The following ELAPOR2 variants were observed in gnomAD, a reference collection of about 807,000 sequenced individuals.
The protein encoded by ELAPOR2 is endosome-lysosome associated apoptosis and autophagy regulator family member 2.
ELAPOR2 carries 89 observed loss-of-function variants against 120.7 expected under a neutral mutation model. The ratio of observed to expected loss-of-function variants is 0.74; its 90% CI spans 0.62 to 0.88. The LOEUF (loss-of-function observed/expected upper bound fraction) is 0.88, where lower values mean the gene tolerates loss of function less well. ELAPOR2 is among the 40% of genes least tolerant of loss of function. ELAPOR2 has a pLI of 0.00. For synonymous variants in ELAPOR2, 444 were observed against 444.9 expected (o/e 1.00, Z 0.03); for missense variants, 1,134 against 1,251.6 (o/e 0.91, Z 1.42).
chr7:87,055,352 T>C (rs1017423947), intron 1 of ELAPOR2, among the ~76,000 whole-genome samples: 1 of 152,206 alleles, frequency 6.6e-6, no homozygotes, highest in African/African-American at 2.4e-5. Flanking sequence ...ACTCCTCTTT[T>C]TGAAGTCCTA....
chr7:86,929,574 T>C (rs528411456), intron 8 of ELAPOR2, among the ~76,000 whole-genome samples: 8 of 152,132 alleles, frequency 5.3e-5, no homozygotes, highest in African/African-American at 1.9e-4. Flanking sequence ...GCTCAACATG[T>C]ACAGTTGTGT....
intron 3 of ELAPOR2, among the ~76,000 whole-genome samples, chr7:86,946,647 A>T (rs1028808858): frequency 6.6e-6 from 1 of 152,172 alleles, no homozygotes; most frequent in Non-Finnish European, 1.5e-5. Context: ...TCGACCTCCC[A>T]AAGTGCTGGG....
At chr7:87,002,269 G>A (rs761930584) in intron 1 of ELAPOR2, among the ~76,000 whole-genome samples, 1 of 152,126 alleles carries the variant, frequency 6.6e-6, no homozygotes, top group Non-Finnish European at 1.5e-5. Flanking sequence ...CTGAGGAGGG[G>A]AGAAAGTGGC....
At position 86,908,458 on chromosome 7, in the gene ELAPOR2, A is replaced by G; in HGVS notation, c.2445T>C (p.His815=). 1.3e-6 allele frequency: 2 copies of G among 1,558,204 alleles called. No homozygotes were observed. Among genetic ancestry groups the G allele is most frequent in the Non-Finnish European group, 1.7e-6 (2 of 1,143,212 alleles). ...GCATCTTCACTTACTTATAAAAGAA[A>G]TGCACATCTGGTATTTGGCTTGTTG... is the stretch of plus-strand genomic sequence containing the variant. ...PVPTSQIPDV[H]FFYKSSTATT... Residue 815 remains histidine, a synonymous_variant, in exon 17 of 22, where the codon CAT becomes CAC. Coordinates refer to ENST00000450689, the MANE Select transcript of ELAPOR2 (RefSeq NM_001142749.3).
intron 1 of ELAPOR2, among the ~76,000 whole-genome samples, chr7:87,044,610 G>C (rs1253020348): frequency 2.0e-5 from 3 of 151,628 alleles, no homozygotes; most frequent in African/African-American, 7.3e-5. Flanking sequence ...ATCAATTCAA[G>C]ATGGATTAAA....
chr7:87,055,583 T>C (rs1795236765), intron 1 of ELAPOR2, among the ~76,000 whole-genome samples: 1 of 152,106 alleles, frequency 6.6e-6, no homozygotes, highest in South Asian at 2.1e-4. Flanking sequence ...CAAACTAGCC[T>C]ACACTCACAT....
At chr7:86,907,647 A>G in intron 18 of ELAPOR2, 23 bp downstream of exon 18, 4 of 1,436,820 alleles carry the variant, frequency 2.8e-6, no homozygotes, top group Non-Finnish European at 3.8e-6. Flanking sequence ...TGGTAAACAC[A>G]AATCATATGG....
chr7:87,032,938 C>T (rs188159103), intron 1 of ELAPOR2, among the ~76,000 whole-genome samples: 3 of 152,056 alleles, frequency 2.0e-5, no homozygotes, highest in South Asian at 2.1e-4. Context: ...TTGGAGGAGA[C>T]GAAAGATTTC....
chr7:86,881,782 A>G (rs903670937), intron 21 of ELAPOR2, among the ~76,000 whole-genome samples: 2 of 152,232 alleles, frequency 1.3e-5, no homozygotes, highest in Non-Finnish European at 2.9e-5. Flanking sequence ...CTATGCTAAT[A>G]AAGAGAATAA....
rs191930642 is a variant in ELAPOR2, at chr7:86,985,056, C to T, written c.190-20032G>A. On this transcript the variant is annotated intron_variant, in intron 1 of 21. Transcript: ENST00000450689. ...CTATAATCAAAGAATATTATAAACA[C>T]CTGTACACAAAAAAACTAGAAAATC... Among the ~76,000 whole-genome samples the T allele has an allele frequency of 8.1e-3, 1,238 of 152,176 alleles. 18 individuals carry two copies. Among genetic ancestry groups the T allele is most frequent in the African/African-American group, 0.029 (1,191 of 41,522 alleles).
intron 21 of ELAPOR2, chr7:86,891,154 C>T (rs1788140752): frequency 6.6e-6 from 1 of 151,858 alleles, no homozygotes; most frequent in Non-Finnish European, 1.5e-5. Context: ...TTTGTTTGCT[C>T]TATGTAAAAC....
At chr7:86,889,168 T>C (rs1433617256) in intron 21 of ELAPOR2, among the ~76,000 whole-genome samples, 1 of 152,100 alleles carries the variant, frequency 6.6e-6, no homozygotes, top group Non-Finnish European at 1.5e-5. Flanking sequence ...TGTCCATACA[T>C]TGTTATTCAC....
At chr7:86,903,502 T>C (rs935145239) in intron 18 of ELAPOR2, among the ~76,000 whole-genome samples, 3 of 152,210 alleles carry the variant, frequency 2.0e-5, no homozygotes, top group African/African-American at 4.8e-5. Flanking sequence ...CCATGTCTCT[T>C]AAGAACTGAA....
At chr7:86,885,460 T>G (rs189284902) in intron 21 of ELAPOR2, among the ~76,000 whole-genome samples, 2 of 152,258 alleles carry the variant, frequency 1.3e-5, no homozygotes, top group African/African-American at 4.8e-5. Context: ...GCAAACATCT[T>G]GTCTACTGTC....
intron 1 of ELAPOR2, among the ~76,000 whole-genome samples, chr7:86,994,308 C>G (rs1793051639): frequency 6.6e-6 from 1 of 152,160 alleles, no homozygotes; most frequent in Non-Finnish European, 1.5e-5. Flanking sequence ...AAGCTTAAAA[C>G]AGTCTCTTGA....
chr7:86,908,418 T>C (rs371386855), intron 17 of ELAPOR2, 29 bp downstream of exon 17: 48 of 1,193,854 alleles, frequency 4.0e-5, no homozygotes, highest in Admixed American at 2.1e-4. Context: ...GGTTAAAATA[T>C]AGTCAAGGGA....
intron 1 of ELAPOR2, among the ~76,000 whole-genome samples, chr7:87,027,233 T>C (rs1245003726): frequency 6.6e-6 from 1 of 152,172 alleles, no homozygotes; most frequent in African/African-American, 2.4e-5. Flanking sequence ...TCTACTGTTT[T>C]AAACATGAAA....
At chr7:86,964,796 G>T in intron 2 of ELAPOR2, 108 bp downstream of exon 2, 1 of 1,171,126 alleles carries the variant, frequency 8.5e-7, no homozygotes, top group Non-Finnish European at 1.2e-6. Context: ...AATGCCATAT[G>T]CTCATTTTTG....
At chr7:87,050,920 A>G (rs2129017711) in intron 1 of ELAPOR2, among the ~76,000 whole-genome samples, 1 of 152,318 alleles carries the variant, frequency 6.6e-6, no homozygotes, top group African/African-American at 2.4e-5. Flanking sequence ...ACTAGAAGAA[A>G]GGAGTTGCCA....
Sources: gnomAD v4.1 joint callset for allele counts (sites outside exome capture counted in the v4.1 genomes callset) on GRCh38, gnomAD v4.1.1 for gene constraint, MANE v1.5 for transcripts, NCBI Gene and HGNC (gene_info 2026-07-23, HGNC 2026-07-21) for gene names.